Variants in IMMP2L observed in about 807,000 individuals in gnomAD.
The protein encoded by IMMP2L is mitochondrial inner membrane protease subunit 2.
IMMP2L carries 18 observed loss-of-function variants against 19.3 expected under a neutral mutation model. That is an observed-to-expected ratio of 0.93 (90% CI 0.64 to 1.38). The LOEUF (loss-of-function observed/expected upper bound fraction) is 1.38. IMMP2L is among the 40% of genes most tolerant of loss of function. The pLI is 0.00. For synonymous variants in IMMP2L, 76 were observed against 73.0 expected (o/e 1.04, Z -0.21); for missense variants, 233 against 218.2 (o/e 1.07, Z -0.43).
At chr7:111,041,238 A>C (rs1665895108) in intron 3 of IMMP2L, among the ~76,000 whole-genome samples, 1 of 152,154 alleles carries the variant, frequency 6.6e-6, no homozygotes, top group Admixed American at 6.6e-5. Flanking sequence ...ATAATATGAA[A>C]CTAAACTTAG....
In IMMP2L at chr7:110,697,170, T is replaced by G. The variant is rs539480289; in HGVS notation, c.409-33449A>C. Among the ~76,000 whole-genome samples the G allele has an allele frequency of 3.3e-5, 5 of 152,302 alleles. No homozygotes were observed. In the East Asian group the frequency reaches 7.7e-4, roughly 24 times the overall value. On this transcript the variant is annotated intron_variant, in intron 5 of 5. Coordinates refer to ENST00000405709, the MANE Select transcript of IMMP2L (RefSeq NM_032549.4). Reference sequence around the variant, plus strand: ...TCACAATCAGGGAAGCGTTTTGACATGGCATATCTTGATTTCAGCTAAACA... The same window carrying G: ...TCACAATCAGGGAAGCGTTTTGACAGGGCATATCTTGATTTCAGCTAAACA...
At chr7:111,263,541 G>A (rs550540506) in intron 3 of IMMP2L, among the ~76,000 whole-genome samples, 1 of 152,232 alleles carries the variant, frequency 6.6e-6, no homozygotes, top group East Asian at 1.9e-4. Context: ...AAATGCTGAT[G>A]AGAAGGGGAC....
At position 110,888,112 on chromosome 7, in the gene IMMP2L, A is replaced by G. The variant is rs17158114; in HGVS notation, c.306-1417T>C. On this transcript the variant is annotated intron_variant, in intron 4 of 5. Coordinates refer to ENST00000405709, the MANE Select transcript of IMMP2L (RefSeq NM_032549.4). ...GCAACGAAGCAATATTGTGGCTGTT[A>G]GAAAAGCCCACAGTAAGTTAATGAC... Among the ~76,000 whole-genome samples the G allele has an allele frequency of 3.0e-3, 464 of 152,302 alleles. 2 individuals are homozygous for G. Among genetic ancestry groups the G allele is most frequent in the African/African-American group, 0.011 (437 of 41,578 alleles).
intron 3 of IMMP2L, among the ~76,000 whole-genome samples, chr7:111,086,070 C>A (rs10251869): frequency 0.8 from 121,769 of 151,816 alleles, 50,284 homozygotes; most frequent in Non-Finnish European, 0.9. Context: ...CCGCCCCATG[C>A]CCCATGTTTA....
intron 3 of IMMP2L, among the ~76,000 whole-genome samples, chr7:110,980,079 T>TA (rs1821106558): frequency 6.6e-6 from 1 of 152,034 alleles, no homozygotes; most frequent in African/African-American, 2.4e-5. Flanking sequence ...ATCTGTACAA[T>TA]AAAAAGCCCT....
chr7:111,522,928 T>TATATATATATATATATATATATAC (rs1427353594), intron 1 of IMMP2L, among the ~76,000 whole-genome samples: 1 of 149,798 alleles, frequency 6.7e-6, no homozygotes, highest in Non-Finnish European at 1.5e-5. Context: ...GTGAGATACA[T>TATATATATATATATATATATATAC]ATATATATAT....
chr7:111,452,596 C>T (rs1225964352), intron 3 of IMMP2L, among the ~76,000 whole-genome samples: 1 of 152,100 alleles, frequency 6.6e-6, no homozygotes, highest in African/African-American at 2.4e-5. Flanking sequence ...CATGAGTGAA[C>T]TATCCAAATT....
At chr7:111,205,375 A>G (rs1810587616) in intron 3 of IMMP2L, among the ~76,000 whole-genome samples, 1 of 152,142 alleles carries the variant, frequency 6.6e-6, no homozygotes, top group Non-Finnish European at 1.5e-5. Context: ...CAGTGTTTTT[A>G]CTTGGTTTGT....
chr7:111,475,925 C>T (rs1173891668), intron 3 of IMMP2L, among the ~76,000 whole-genome samples: 1 of 152,030 alleles, frequency 6.6e-6, no homozygotes, highest in African/African-American at 2.4e-5. Context: ...ATTTCATGTG[C>T]CAATATAGCT....
chr7:111,385,341 A>G (rs1831627566), intron 3 of IMMP2L, among the ~76,000 whole-genome samples: 1 of 152,174 alleles, frequency 6.6e-6, no homozygotes, highest in African/African-American at 2.4e-5. Flanking sequence ...GCCCTTTATA[A>G]GAGAAAAAGA....
At chr7:110,664,619 G>A (rs1791316492) in intron 5 of IMMP2L, among the ~76,000 whole-genome samples, 1 of 152,094 alleles carries the variant, frequency 6.6e-6, no homozygotes, top group African/African-American at 2.4e-5. Context: ...TTAAAAGGCA[G>A]ATCAGGGTCT....
intron 2 of IMMP2L, among the ~76,000 whole-genome samples, chr7:111,505,861 T>C (rs1030460599): frequency 6.6e-5 from 10 of 152,006 alleles, no homozygotes; most frequent in Non-Finnish European, 1.2e-4. Context: ...AGGAGATATA[T>C]GTAATGCTAA....
At chr7:110,837,895 AC>A (rs1346012352) in intron 5 of IMMP2L, among the ~76,000 whole-genome samples, 2 of 152,094 alleles carry the variant, frequency 1.3e-5, no homozygotes, top group Non-Finnish European at 2.9e-5. Context: ...TTTAATTTCT[AC>A]CTGTAAATTG....
chr7:111,292,012 C>T (rs1584482526), intron 3 of IMMP2L, among the ~76,000 whole-genome samples: 1 of 152,146 alleles, frequency 6.6e-6, no homozygotes, highest in East Asian at 1.9e-4. Flanking sequence ...TGCCTGTCCC[C>T]CTGCAGTGAA....
intron 5 of IMMP2L, among the ~76,000 whole-genome samples, chr7:110,665,185 T>C (rs1183699635): frequency 3.9e-5 from 6 of 152,214 alleles, no homozygotes; most frequent in African/African-American, 7.2e-5. Flanking sequence ...ATCAGACCTG[T>C]AAAAAATTTG....
chr7:111,114,094 C>G (rs1799554484), intron 3 of IMMP2L, among the ~76,000 whole-genome samples: 1 of 151,674 alleles, frequency 6.6e-6, no homozygotes, highest in Non-Finnish European at 1.5e-5. Flanking sequence ...ATTTTCTGAA[C>G]AGAACTGAAG....
In IMMP2L at chr7:111,123,824, A is replaced by G. The variant is rs759798726; in HGVS notation, c.240-160259T>C. ...AGCAATGCTCTCAGTGCCCTGTACC[A>G]TGGTACCATTGAGTCTCTGCCAAAC... On this transcript the variant is annotated intron_variant, in intron 3 of 5. Coordinates refer to ENST00000405709, the MANE Select transcript of IMMP2L (RefSeq NM_032549.4). The surrounding 1 kb of genome is among the most constrained non-coding windows in gnomAD (Gnocchi z 6.4). The G allele has an allele frequency of 6.2e-7, 1 of 1,613,980 alleles. No individual in the cohort carries two copies. The highest frequency in any genetic ancestry group is 1.1e-5 in the South Asian group (1 of 91,082).
chr7:111,366,839 A>T (rs1444055061), intron 3 of IMMP2L, among the ~76,000 whole-genome samples: 2 of 151,834 alleles, frequency 1.3e-5, no homozygotes, highest in Non-Finnish European at 2.9e-5. Context: ...ATGTATACAC[A>T]CACGTATATA....
intron 3 of IMMP2L, among the ~76,000 whole-genome samples, chr7:111,440,788 C>A (rs1483187226): frequency 6.6e-6 from 1 of 151,902 alleles, no homozygotes; most frequent in East Asian, 1.9e-4. Flanking sequence ...GTATCTTCTT[C>A]CTATATAAAG....
Sources: gnomAD v4.1 joint callset for allele counts (sites outside exome capture counted in the v4.1 genomes callset) on GRCh38, gnomAD v4.1.1 for gene constraint, Gnocchi (gnomAD v3.1) non-coding constraint, MANE v1.5 for transcripts, NCBI Gene and HGNC (gene_info 2026-07-23, HGNC 2026-07-21) for gene names.